ZNF140: variants seen among roughly 807,000 people sequenced by gnomAD.
ZNF140 encodes zinc finger protein 140 (clone pHZ-39).
A neutral mutation model predicts 12.9 loss-of-function variants in ZNF140; 13 were observed. The ratio of observed to expected loss-of-function variants is 1.01; its 90% CI spans 0.66 to 1.60. ZNF140 has a LOEUF of 1.60. Ranked by LOEUF, ZNF140 falls within the 40% of genes most tolerant of loss-of-function variation. The probability of loss-of-function intolerance (pLI) is 0.00; values close to 1 mark genes in which losing one functional copy is unlikely to be tolerated. For synonymous variants in ZNF140, 214 were observed against 186.7 expected (o/e 1.15, Z -1.19); for missense variants, 531 against 548.8 (o/e 0.97, Z 0.32).
chr12:133,081,445 C>T, intron 2 of ZNF140, 116 bp downstream of exon 2: 1 of 428,066 alleles, frequency 2.3e-6, no homozygotes, highest in South Asian at 1.6e-5. Context: ...TCATAGCATC[C>T]TGTAACCTCA....
chr12:133,101,681 G>A (rs1399190423), intron 4 of ZNF140, among the ~76,000 whole-genome samples: 1 of 152,108 alleles, frequency 6.6e-6, no homozygotes, highest in Non-Finnish European at 1.5e-5. Flanking sequence ...CTGACCTTGT[G>A]ATCTGCCAGC....
At chr12:133,091,085 A>G (rs201882538) in intron 4 of ZNF140, among the ~76,000 whole-genome samples, 4,720 of 148,982 alleles carry the variant, frequency 0.032, 294 homozygotes, top group South Asian at 0.12. Flanking sequence ...TTCCTCTTTT[A>G]CTCATCCATC....
At chr12:133,100,011 G>C (rs886814118) in intron 4 of ZNF140, among the ~76,000 whole-genome samples, 2 of 151,018 alleles carry the variant, frequency 1.3e-5, no homozygotes, top group African/African-American at 4.9e-5. Flanking sequence ...GAGAAGATCT[G>C]ATGTACGGTA....
chr12:133,092,617 TA>T lies in ZNF140; in HGVS notation c.232+9058del, dbSNP rs1245053100. 8.6e-5 allele frequency among the ~76,000 whole-genome samples: 13 copies of T among 151,380 alleles called. 1 individual carries two copies. Among genetic ancestry groups the T allele is most frequent in the African/African-American group, 2.9e-4 (12 of 40,968 alleles). On this transcript the variant is annotated intron_variant, in intron 4 of 4. Transcript: ENST00000355557. ...GTTCAGGACCAACAACAGGACTAAC[TA>T]ACTTTGGTCGGGGTGATGAAATTCC...
intron 3 of ZNF140, 95 bp downstream of exon 3, chr12:133,083,324 GT>G: frequency 1.3e-6 from 2 of 1,513,178 alleles, no homozygotes; most frequent in Non-Finnish European, 8.9e-7. Flanking sequence ...GAGGTATGGG[GT>G]TTCTTAAAAT....
intron 4 of ZNF140, among the ~76,000 whole-genome samples, chr12:133,086,055 AAT>A (rs1369497197): frequency 1.3e-5 from 2 of 152,214 alleles, no homozygotes; most frequent in African/African-American, 4.8e-5. Flanking sequence ...TAATTGCTCT[AAT>A]AGTTTTTTTC....
chr12:133,100,118 T>C, intron 4 of ZNF140, among the ~76,000 whole-genome samples: 1 of 151,812 alleles, frequency 6.6e-6, no homozygotes, highest in Non-Finnish European at 1.5e-5. Context: ...TTAGAGTATG[T>C]TTCTGTTCAT....
intron 4 of ZNF140, among the ~76,000 whole-genome samples, chr12:133,091,051 C>T (rs941601130): frequency 8.7e-5 from 13 of 149,016 alleles, no homozygotes; most frequent in Non-Finnish European, 1.9e-4. Flanking sequence ...CAGTGGCCTT[C>T]CTCTATCTCA....
chr12:133,081,265 T>C lies in ZNF140; in HGVS notation c.-48-8T>C. ...TGTTCGCTCAGGGCTCCTTTCTCTC[T>C]CTGCCAGGTCTGCCATTTTACACTT... On this transcript the variant is annotated splice_polypyrimidine_tract_variant and splice_region_variant and intron_variant, in intron 1 of 4. Transcript: ENST00000355557. 1 of 1,521,694 alleles carries C rather than the reference T, an allele frequency of 6.6e-7. No homozygotes were observed. The highest frequency in any genetic ancestry group is 8.9e-7 in the Non-Finnish European group (1 of 1,118,024). 94.3% of individuals were successfully genotyped at this position (1,521,694 alleles called of 1,614,324 possible). A position where few individuals can be genotyped will look rare whatever the true frequency, so the allele number is the denominator to read the frequency against.
intron 4 of ZNF140, among the ~76,000 whole-genome samples, chr12:133,104,983 A>G (rs1405099929): frequency 1.3e-5 from 2 of 152,194 alleles, no homozygotes; most frequent in African/African-American, 2.4e-5. Flanking sequence ...CAGAAAAGAC[A>G]TAATTATACC....
At chr12:133,080,575 GC>G (rs1954432945), upstream of ZNF140, 1 of 152,386 alleles carries the variant, frequency 6.6e-6, no homozygotes, top group African/African-American at 2.4e-5. Context: ...TCCGCGGGGG[GC>G]CGCGGTTATT....
chr12:133,095,650 A>ATTGG (rs1403401448), intron 4 of ZNF140, among the ~76,000 whole-genome samples: 11 of 133,184 alleles, frequency 8.3e-5, no homozygotes, highest in South Asian at 2.2e-4. Flanking sequence ...CTCAGTTTTT[A>ATTGG]TTATTATTTT....
rs368640870 is a variant in ZNF140, at chr12:133,081,348, A to AAT, written c.9+41_9+42dup. On this transcript the variant is annotated intron_variant, in intron 2 of 4. Transcript: ENST00000355557. ...GTCTCAGGTAAGCTAATGATTGATA[A>AAT]ATATATATATATATATATATATAAA... is the stretch of plus-strand genomic sequence containing the variant. 0.011 allele frequency: 3,393 copies of AAT among 317,972 alleles called. 103 individuals carry two copies. The highest frequency in any genetic ancestry group is 0.034 in the African/African-American group (1,100 of 32,504). 19.7% of individuals were successfully genotyped at this position (317,972 alleles called of 1,614,324 possible).
Position 133,105,745 on chromosome 12 carries a change from T to C in ZNF140, c.468T>C (p.Thr156=). 3 of 1,614,204 alleles carry C rather than the reference T, an allele frequency of 1.9e-6. No individual in the cohort carries two copies. The highest frequency in any genetic ancestry group is 2.5e-6 in the Non-Finnish European group (3 of 1,180,030). ...EALAQHMNIS[T]VERPYGCHEC... ...TGGCTCAACATATGAATATCAGTAC[T>C]GTGGAGAGGCCCTATGGATGCCATG... is the stretch of plus-strand genomic sequence containing the variant. The change falls in exon 5 of 5, where the codon ACT becomes ACC. Residue 156 remains threonine, a synonymous_variant. Transcript: ENST00000355557.
At chr12:133,091,177 C>T (rs991570152) in intron 4 of ZNF140, among the ~76,000 whole-genome samples, 2,575 of 149,968 alleles carry the variant, frequency 0.017, 83 homozygotes, top group Middle Eastern at 0.041. Context: ...CAGACTCTCA[C>T]ATTGGGAGAA....
intron 4 of ZNF140, among the ~76,000 whole-genome samples, chr12:133,099,610 C>T (rs1955263624): frequency 6.6e-6 from 1 of 152,130 alleles, no homozygotes; most frequent in African/African-American, 2.4e-5. Context: ...TGCTTGAGCC[C>T]AGGAATTTGA....
intron 4 of ZNF140, among the ~76,000 whole-genome samples, chr12:133,090,712 TTTA>T (rs1327509512): frequency 2.0e-5 from 3 of 149,340 alleles, no homozygotes; most frequent in African/African-American, 7.4e-5. Context: ...TCCCTCAGTT[TTTA>T]TTATTATTTT....
intron 4 of ZNF140, among the ~76,000 whole-genome samples, chr12:133,092,341 A>G (rs1257044597): frequency 6.6e-6 from 1 of 151,174 alleles, no homozygotes; most frequent in Non-Finnish European, 1.5e-5. Context: ...GATGCTGCCA[A>G]TCAAAAGTTG....
At chr12:133,085,852 A>C (rs1954656974) in intron 4 of ZNF140, among the ~76,000 whole-genome samples, 1 of 152,140 alleles carries the variant, frequency 6.6e-6, no homozygotes, top group Admixed American at 6.5e-5. Context: ...CCCTGTCTCC[A>C]CAAAAAAATT....
Sources: gnomAD v4.1 joint callset for allele counts (sites outside exome capture counted in the v4.1 genomes callset) on GRCh38, gnomAD v4.1.1 for gene constraint, MANE v1.5 for transcripts, NCBI Gene and HGNC (gene_info 2026-07-23, HGNC 2026-07-21) for gene names.